The following ADD2 variants were observed in gnomAD, a reference collection of about 807,000 sequenced individuals.
ADD2 encodes beta-adducin.
ADD2 carries 23 observed loss-of-function variants against 83.0 expected under a neutral mutation model. The observed-to-expected ratio is 0.28, with a 90% CI of 0.20 to 0.39. The LOEUF (loss-of-function observed/expected upper bound fraction) is 0.39. Ranked by LOEUF, ADD2 falls within the 10% of genes least tolerant of loss-of-function variation. The pLI is 1.00. For synonymous variants in ADD2, 375 were observed against 375.4 expected, an observed-to-expected ratio of 1.00 and a Z score of 0.01; for missense variants, 758 against 944.9, an observed-to-expected ratio of 0.80 and a Z score of 2.59.
At chr2:70,726,236 C>G (rs1411149323) in intron 1 of ADD2, among the ~76,000 whole-genome samples, 6 of 148,784 alleles carry the variant, frequency 4.0e-5, no homozygotes, top group African/African-American at 1.5e-4. Context: ...TCAGCAGCAC[C>G]ATGATGACAA....
intron 8 of ADD2, among the ~76,000 whole-genome samples, chr2:70,689,584 C>G (rs1376657941): frequency 6.6e-6 from 1 of 152,240 alleles, no homozygotes; most frequent in Non-Finnish European, 1.5e-5. Context: ...TCCCTCTCCC[C>G]ACACTCTAAA....
chr2:70,682,976 C>T (rs551332485), intron 10 of ADD2, among the ~76,000 whole-genome samples: 12 of 151,444 alleles, frequency 7.9e-5, no homozygotes, highest in African/African-American at 2.4e-4. Flanking sequence ...GAGCAAAGCC[C>T]CAGTATAAGA....
At chr2:70,684,541 T>C (rs918412201) in intron 9 of ADD2, among the ~76,000 whole-genome samples, 16 of 152,190 alleles carry the variant, frequency 1.1e-4, no homozygotes, top group African/African-American at 3.6e-4. Context: ...GAACCACCAT[T>C]GCTGACCTCT....
At position 70,693,163 on chromosome 2, in the gene ADD2, C is replaced by T. The variant is rs138125425; in HGVS notation, c.556-611G>A. ...GTAAAATATTCAATCACAGAATGTC[C>T]TGTGTCCTGAAAGCCCACAATCCAA... On this transcript the variant is annotated intron_variant, in intron 6 of 15. Transcript: ENST00000264436. 5.1e-3 allele frequency among the ~76,000 whole-genome samples: 778 copies of T among 152,270 alleles called. 10 individuals are homozygous for T. The highest frequency in any genetic ancestry group is 0.017 in the African/African-American group (717 of 41,556).
At chr2:70,663,835 A>C in intron 15 of ADD2, 100 bp from the exon 16 acceptor site, 1 of 1,305,626 alleles carries the variant, frequency 7.7e-7, no homozygotes, top group Non-Finnish European at 1.0e-6. Context: ...TATAAAATCA[A>C]TCCAGAGCGA....
Position 70,706,525 on chromosome 2 carries a change from A to T in ADD2, c.-34-83T>A. 1.5e-6 allele frequency: 2 copies of T among 1,297,046 alleles called. No homozygotes were observed. Among genetic ancestry groups the T allele is most frequent in the Non-Finnish European group, 1.0e-6 (1 of 956,934 alleles). The allele number at this position is 1,297,046 out of a possible 1,614,324, so 80.3% of individuals were successfully genotyped here. On this transcript the variant is annotated intron_variant, in intron 2 of 15. Coordinates refer to ENST00000264436, the MANE Select transcript of ADD2 (RefSeq NM_001617.4). The surrounding 1 kb of genome is among the most constrained non-coding windows in gnomAD (Gnocchi z 5.0). ...TTTCTCAGAGCACAGGGCTAGGTTC[A>T]GTTGGATTCTCAGTGGGGTACGGCT...
In ADD2 at chr2:70,716,484, C is replaced by G. The variant is rs1672476153; in HGVS notation, c.-153-3300G>C. ...CCCCTACACCCCCGCCCTGGGCTTTCACATCACTTTTACTTGCCTCTTCCA... is the reference window on the plus strand; with the variant it reads ...CCCCTACACCCCCGCCCTGGGCTTTGACATCACTTTTACTTGCCTCTTCCA... On this transcript the variant is annotated intron_variant, in intron 1 of 15. Transcript: ENST00000264436. Among the ~76,000 whole-genome samples the G allele has an allele frequency of 2.6e-5, 4 of 152,176 alleles. No individual in the cohort carries two copies. The South Asian group carries it at 8.3e-4, about 32-fold the overall frequency.
At position 70,706,162 on chromosome 2, in the gene ADD2, G is replaced by T; in HGVS notation, c.183+64C>A. On this transcript the variant is annotated intron_variant, in intron 3 of 15. Coordinates refer to ENST00000264436, the MANE Select transcript of ADD2 (RefSeq NM_001617.4). This position sits in a 1 kb window ranked among gnomAD's most constrained non-coding sequence, Gnocchi z 5.0. ...AAGAGGAGTTACTCATCTTTCGGGT[G>T]GGTACACGTCCTGAAGAGCCAGCGC... 1.3e-6 allele frequency: 2 copies of T among 1,533,232 alleles called. No homozygotes were observed. Among genetic ancestry groups the T allele is most frequent in the South Asian group, 1.2e-5 (1 of 83,510 alleles). 95.0% of individuals were successfully genotyped at this position (1,533,232 alleles called of 1,614,324 possible).
intron 14 of ADD2, 194 bp from the exon 15 acceptor site, chr2:70,673,200 G>A: frequency 6.2e-7 from 1 of 1,605,540 alleles, no homozygotes; most frequent in Non-Finnish European, 8.5e-7. Flanking sequence ...AGGCCAATGG[G>A]AGAGGGTGGA....
intron 1 of ADD2, among the ~76,000 whole-genome samples, chr2:70,752,479 G>T (rs1674556789): frequency 6.6e-6 from 1 of 152,132 alleles, no homozygotes; most frequent in South Asian, 2.1e-4. Context: ...CATGCAGGAA[G>T]TACTGAATAA....
rs1553368294 is a variant in ADD2 at position 70,676,547 on chromosome 2, C to T, written c.1593+249G>A. 1.4e-6 allele frequency: 2 copies of T among 1,394,672 alleles called. No homozygotes were observed. The highest frequency in any genetic ancestry group is 2.9e-5 in the African/African-American group (2 of 68,976). 86.4% of individuals were successfully genotyped at this position (1,394,672 alleles called of 1,614,324 possible). A position where few individuals can be genotyped will look rare whatever the true frequency, so the allele number is the denominator to read the frequency against. Reference sequence around the variant, plus strand: ...CAGGAGGTACGGAAGCCGGCCGCATCACTCCTGCAGGCAGGCTGGGCTGCT... The same window carrying T: ...CAGGAGGTACGGAAGCCGGCCGCATTACTCCTGCAGGCAGGCTGGGCTGCT... On this transcript the variant is annotated intron_variant, in intron 13 of 15. Coordinates refer to ENST00000264436, the MANE Select transcript of ADD2 (RefSeq NM_001617.4). This position sits in a 1 kb window ranked among gnomAD's most constrained non-coding sequence, Gnocchi z 4.8.
intron 7 of ADD2, among the ~76,000 whole-genome samples, 180 bp downstream of exon 7, chr2:70,692,223 G>A (rs567103489): frequency 6.6e-6 from 1 of 152,360 alleles, no homozygotes; most frequent in Admixed American, 6.5e-5. Flanking sequence ...ATGTCTTCAC[G>A]TTATGCTATG....
chr2:70,765,181 C>A (rs1047788964), intron 1 of ADD2, among the ~76,000 whole-genome samples: 4 of 151,092 alleles, frequency 2.6e-5, no homozygotes, highest in Non-Finnish European at 4.4e-5. Flanking sequence ...GGCGAAACCC[C>A]GTCTCTACTA....
chr2:70,716,931 T>C (rs1261454775), intron 1 of ADD2, among the ~76,000 whole-genome samples: 1 of 152,118 alleles, frequency 6.6e-6, no homozygotes, highest in African/African-American at 2.4e-5. Flanking sequence ...AAATCCGACA[T>C]TAATTATGGG....
chr2:70,761,534 GGAGACA>G, intron 1 of ADD2, among the ~76,000 whole-genome samples: 2 of 145,876 alleles, frequency 1.4e-5, no homozygotes, highest in African/African-American at 5.1e-5. Flanking sequence ...CTTGAACCCA[GGAGACA>G]GAGGTTGCAG....
intron 1 of ADD2, among the ~76,000 whole-genome samples, chr2:70,714,869 T>G (rs1317375521): frequency 6.6e-6 from 1 of 152,184 alleles, no homozygotes; most frequent in Non-Finnish European, 1.5e-5. Context: ...CAGCTATTTT[T>G]TGTGTGTGCT....
chr2:70,673,411 CTTATT>C (rs781913752), intron 14 of ADD2: 29 of 1,159,736 alleles, frequency 2.5e-5, no homozygotes, highest in African/African-American at 1.7e-4. Flanking sequence ...ACCAACTCCC[CTTATT>C]TTATTTTTTG....
intron 1 of ADD2, among the ~76,000 whole-genome samples, chr2:70,762,160 T>C (rs1218094273): frequency 6.6e-6 from 1 of 151,660 alleles, no homozygotes; most frequent in African/African-American, 2.4e-5. Flanking sequence ...ATATAATAAA[T>C]GTAAATTGAG....
At chr2:70,704,270 C>T (rs781972213) in intron 4 of ADD2, 51 bp downstream of exon 4, 4 of 1,228,704 alleles carry the variant, frequency 3.3e-6, no homozygotes, top group Admixed American at 2.2e-5. Flanking sequence ...TCTTCCCCAC[C>T]CCACCCTCCC....
Sources: gnomAD v4.1 joint callset for allele counts (sites outside exome capture counted in the v4.1 genomes callset) on GRCh38, gnomAD v4.1.1 for gene constraint, Gnocchi (gnomAD v3.1) non-coding constraint, MANE v1.5 for transcripts, NCBI Gene and HGNC (gene_info 2026-07-23, HGNC 2026-07-21) for gene names.